Variants in PLCL1 observed in about 807,000 individuals in gnomAD.
PLCL1 encodes phospholipase C like 1 (inactive).
Under a neutral mutation model 84.4 loss-of-function variants are expected in PLCL1, and 41 were observed. The ratio of observed to expected loss-of-function variants is 0.49; its 90% confidence interval spans 0.38 to 0.63. PLCL1 has a LOEUF of 0.63. Ranked by LOEUF, PLCL1 falls within the 30% of genes least tolerant of loss-of-function variation. PLCL1 has a pLI of 0.00. For synonymous variants in PLCL1, 490 were observed against 488.3 expected (o/e 1.00, Z -0.05); for missense variants, 1,206 against 1,367.8 (o/e 0.88, Z 1.87).
chr2:197,961,208 A>G (rs1046341693), intron 1 of PLCL1, among the ~76,000 whole-genome samples: 1 of 149,290 alleles, frequency 6.7e-6, no homozygotes, highest in Admixed American at 6.7e-5. Context: ...ATTCCTGTGG[A>G]TAAATTATTT....
intron 1 of PLCL1, among the ~76,000 whole-genome samples, chr2:198,013,021 C>T (rs967853594): frequency 5.3e-5 from 8 of 151,868 alleles, no homozygotes; most frequent in African/African-American, 9.7e-5. Context: ...AATTATCTGC[C>T]GTCATATTTC....
At chr2:197,908,726 A>T (rs904405365) in intron 1 of PLCL1, among the ~76,000 whole-genome samples, 7 of 152,216 alleles carry the variant, frequency 4.6e-5, no homozygotes, top group Non-Finnish European at 8.8e-5. Context: ...TCCTAACTTA[A>T]AAAAACCTCA....
At chr2:197,866,142 CTATATATATATATAAACTA>C (rs1687534060) in intron 1 of PLCL1, among the ~76,000 whole-genome samples, 2 of 7,912 alleles carry the variant, frequency 2.5e-4, no homozygotes, top group Admixed American at 1.2e-3. Flanking sequence ...TATATATAAA[CTATATATATATATAAACTA>C]TATATATATA....
At chr2:197,954,877 C>T (rs936386461) in intron 1 of PLCL1, among the ~76,000 whole-genome samples, 1 of 151,960 alleles carries the variant, frequency 6.6e-6, no homozygotes, top group African/African-American at 2.4e-5. Context: ...AAGTGTATTA[C>T]AGGAAATTGT....
In PLCL1 at chr2:197,998,236, G is replaced by A. The variant is rs111304332; in HGVS notation, c.241-85522G>A. The stretch of plus-strand genomic sequence containing the variant: ...GTGTGTGATATGAGATTGCTTGTGC[G>A]CCTGTGTGCATGTGTGTATGTGTAT... On this transcript the variant is annotated intron_variant, in intron 1 of 5. Coordinates refer to ENST00000428675, the MANE Select transcript of PLCL1 (RefSeq NM_006226.4). 3.1e-3 allele frequency among the ~76,000 whole-genome samples: 466 copies of A among 150,858 alleles called. 2 individuals are homozygous for A. Among genetic ancestry groups the A allele is most frequent in the East Asian group, 0.013 (67 of 5,126 alleles).
intron 1 of PLCL1, among the ~76,000 whole-genome samples, chr2:197,880,719 T>C (rs1687813721): frequency 6.6e-6 from 1 of 152,172 alleles, no homozygotes; most frequent in Non-Finnish European, 1.5e-5. Flanking sequence ...TTTAAAGAGA[T>C]GAAATCTCAC....
At chr2:198,108,330 TTCC>T (rs1346700284) in intron 5 of PLCL1, among the ~76,000 whole-genome samples, 4 of 151,886 alleles carry the variant, frequency 2.6e-5, no homozygotes, top group African/African-American at 9.7e-5. Context: ...TAGACTAGTA[TTCC>T]CTACTATCTA....
chr2:198,025,307 T>C (rs1168698214), intron 1 of PLCL1, among the ~76,000 whole-genome samples: 2 of 152,116 alleles, frequency 1.3e-5, no homozygotes, highest in African/African-American at 4.8e-5. Flanking sequence ...ATAATATGAA[T>C]ATTTATACAT....
At chr2:197,877,122 A>G (rs1687748665) in intron 1 of PLCL1, among the ~76,000 whole-genome samples, 1 of 152,208 alleles carries the variant, frequency 6.6e-6, no homozygotes, top group Non-Finnish European at 1.5e-5. Flanking sequence ...TAATAACATC[A>G]AAACCTTTAT....
intron 5 of PLCL1, among the ~76,000 whole-genome samples, chr2:198,107,427 G>A (rs1559107890): frequency 6.6e-6 from 1 of 151,838 alleles, no homozygotes; most frequent in Non-Finnish European, 1.5e-5. Flanking sequence ...ACCTGATAGT[G>A]GTGAGACTAG....
At chr2:197,830,018 A>G (rs1394565547) in intron 1 of PLCL1, among the ~76,000 whole-genome samples, 1 of 152,176 alleles carries the variant, frequency 6.6e-6, no homozygotes, top group African/African-American at 2.4e-5. Flanking sequence ...TAAAGATGAA[A>G]ACATCACATC....
In PLCL1 at chr2:198,104,968, AG is replaced by A. The variant is rs560111580; in HGVS notation, c.3105+1034del. ...TTGCAAATATCTTCTCCCATTCTGT[AG>A]GTTGTCTGTTTGCTGTCTTGATAGT... On this transcript the variant is annotated intron_variant, in intron 5 of 5. Transcript: ENST00000428675. Among the ~76,000 whole-genome samples, 9 of 152,040 alleles carry A rather than the reference AG, an allele frequency of 5.9e-5. No individual in the cohort carries two copies. In the South Asian group the frequency reaches 1.9e-3, roughly 32 times the overall value.
chr2:197,972,915 A>T (rs961954535), intron 1 of PLCL1, among the ~76,000 whole-genome samples: 3 of 152,272 alleles, frequency 2.0e-5, no homozygotes, highest in African/African-American at 7.2e-5. Context: ...AAGCCTTTGC[A>T]TGGTTGTCAG....
chr2:198,127,047 C>G (rs945757312), intron 5 of PLCL1, among the ~76,000 whole-genome samples: 4 of 151,296 alleles, frequency 2.6e-5, no homozygotes, highest in African/African-American at 9.7e-5. Flanking sequence ...TTTACACTGA[C>G]AGTTGAAAAA....
At chr2:197,972,677 A>G (rs1438856137) in intron 1 of PLCL1, among the ~76,000 whole-genome samples, 1 of 152,166 alleles carries the variant, frequency 6.6e-6, no homozygotes, top group Non-Finnish European at 1.5e-5. Context: ...TCTAATCTGG[A>G]GGGTTTAGAT....
chr2:197,804,594 G>C lies in PLCL1; in HGVS notation c.-506G>C, dbSNP rs1690423327. The stretch of plus-strand genomic sequence containing the variant: ...ACAAGTCTCCCTCCCTGTCACAACA[G>C]AGCTGAGTGGAGGCCGCCGCCGCCG... On this transcript the variant is annotated 5_prime_UTR_variant, in exon 1 of 6. Coordinates refer to ENST00000428675, the MANE Select transcript of PLCL1 (RefSeq NM_006226.4). 6.5e-6 allele frequency: 1 copy of C among 154,170 alleles called. No homozygotes were observed. Among genetic ancestry groups the C allele is most frequent in the South Asian group, 1.9e-4 (1 of 5,324 alleles). 9.6% of individuals were successfully genotyped at this position (154,170 alleles called of 1,614,324 possible).
At chr2:198,086,619 G>A (rs1257409353) in intron 2 of PLCL1, among the ~76,000 whole-genome samples, 1 of 152,050 alleles carries the variant, frequency 6.6e-6, no homozygotes, top group Non-Finnish European at 1.5e-5. Flanking sequence ...ACAAGACCCT[G>A]TCTCAAAATA....
At chr2:197,847,363 C>T (rs1411459541) in intron 1 of PLCL1, among the ~76,000 whole-genome samples, 1 of 152,138 alleles carries the variant, frequency 6.6e-6, no homozygotes, top group Admixed American at 6.5e-5. Flanking sequence ...AGATCCTCAG[C>T]ACCCCAGAGG....
chr2:197,811,486 G>A (rs908430187), intron 1 of PLCL1, among the ~76,000 whole-genome samples: 34 of 152,124 alleles, frequency 2.2e-4, no homozygotes, highest in African/African-American at 8.0e-4. Flanking sequence ...GAGAAAAGTA[G>A]GATTGTACAT....
Sources: gnomAD v4.1 joint callset for allele counts (sites outside exome capture counted in the v4.1 genomes callset) on GRCh38, gnomAD v4.1.1 for gene constraint, MANE v1.5 for transcripts, NCBI Gene and HGNC (gene_info 2026-07-23, HGNC 2026-07-21) for gene names.